Variants in ACBD6 observed in about 807,000 individuals in gnomAD.
The protein encoded by ACBD6 is acyl-CoA-binding domain-containing protein 6.
Under a neutral mutation model 37.2 loss-of-function variants are expected in ACBD6, and 28 were observed. The observed-to-expected ratio is 0.75, with a 90% CI of 0.56 to 1.03. The LOEUF is 1.03. Ranked by LOEUF, ACBD6 falls within the 50% of genes least tolerant of loss-of-function variation. The probability of loss-of-function intolerance (pLI) is 0.00; values close to 1 mark genes in which losing one functional copy is unlikely to be tolerated. For synonymous variants in ACBD6, 113 were observed against 126.8 expected, an observed-to-expected ratio of 0.89 and a Z score of 0.73; for missense variants, 340 against 337.4, an observed-to-expected ratio of 1.01 and a Z score of -0.06.
At chr1:180,404,379 T>C (rs1364384074) in intron 5 of ACBD6, among the ~76,000 whole-genome samples, 1 of 152,186 alleles carries the variant, frequency 6.6e-6, no homozygotes, top group East Asian at 1.9e-4. Flanking sequence ...CAGCCTAGTC[T>C]TAAACTCCTG....
chr1:180,360,816 T>G (rs1437969612), intron 6 of ACBD6, among the ~76,000 whole-genome samples: 1 of 152,188 alleles, frequency 6.6e-6, no homozygotes, highest in South Asian at 2.1e-4. Flanking sequence ...AGGAGAGCAT[T>G]ATAGTCTGGT....
At chr1:180,390,875 C>G (rs1654047782) in intron 6 of ACBD6, among the ~76,000 whole-genome samples, 2 of 151,954 alleles carry the variant, frequency 1.3e-5, no homozygotes, top group African/African-American at 4.8e-5. Context: ...CCCAGAATAG[C>G]CAAAACAACT....
chr1:180,314,688 T>C lies in ACBD6; in HGVS notation c.694+4A>G. On this transcript the variant is annotated splice_donor_region_variant and intron_variant, in intron 7 of 7. Transcript: ENST00000367595. The stretch of plus-strand genomic sequence containing the variant: ...GATTACTTAATAATTTAGAAACTTC[T>C]TACCATAATGTAGAGCTGTTTGGCC... The C allele has an allele frequency of 6.6e-7, 1 of 1,524,970 alleles. No individual in the cohort carries two copies. The highest frequency in any genetic ancestry group is 9.1e-7 in the Non-Finnish European group (1 of 1,101,566). 94.5% of individuals were successfully genotyped at this position (1,524,970 alleles called of 1,614,324 possible). A position where few individuals can be genotyped will look rare whatever the true frequency, so the allele number is the denominator to read the frequency against.
At chr1:180,451,763 T>A (rs1258996278) in intron 3 of ACBD6, among the ~76,000 whole-genome samples, 1 of 152,208 alleles carries the variant, frequency 6.6e-6, no homozygotes, top group Non-Finnish European at 1.5e-5. Flanking sequence ...AGTTTCTTTT[T>A]GAGGGGATGA....
At chr1:180,280,759 G>A (rs1469498122) in intron 9 of ACBD6, among the ~76,000 whole-genome samples, 2 of 152,208 alleles carry the variant, frequency 1.3e-5, no homozygotes, top group Admixed American at 1.3e-4. Context: ...TACAGAAGGT[G>A]CTGTACATAA....
intron 7 of ACBD6, among the ~76,000 whole-genome samples, chr1:180,311,049 C>G (rs1650571912): frequency 6.6e-6 from 1 of 152,160 alleles, no homozygotes; most frequent in Non-Finnish European, 1.5e-5. Context: ...GATTTGACAA[C>G]AGAGATAGTG....
chr1:180,474,743 T>A (rs941960377), intron 3 of ACBD6, among the ~76,000 whole-genome samples: 5 of 152,224 alleles, frequency 3.3e-5, no homozygotes, highest in African/African-American at 1.2e-4. Context: ...TAAGTCTGTG[T>A]TATATAATTT....
chr1:180,385,889 G>A (rs1653828862), intron 6 of ACBD6, among the ~76,000 whole-genome samples: 1 of 152,172 alleles, frequency 6.6e-6, no homozygotes, highest in African/African-American at 2.4e-5. Context: ...GATAGAAAAG[G>A]CTGGGCGCAA....
At chr1:180,411,814 C>A (rs920789081) in intron 5 of ACBD6, among the ~76,000 whole-genome samples, 2 of 152,002 alleles carry the variant, frequency 1.3e-5, no homozygotes, top group African/African-American at 4.8e-5. Context: ...ATTACAGGCA[C>A]CCACCACCAC....
At chr1:180,487,401 A>T (rs1651313975) in intron 3 of ACBD6, among the ~76,000 whole-genome samples, 1 of 152,122 alleles carries the variant, frequency 6.6e-6, no homozygotes, top group Admixed American at 6.6e-5. Flanking sequence ...ATTTCACACC[A>T]TCTCACGCCC....
At chr1:180,332,873 T>C (rs1384171828) in intron 6 of ACBD6, among the ~76,000 whole-genome samples, 1 of 152,192 alleles carries the variant, frequency 6.6e-6, no homozygotes, top group Non-Finnish European at 1.5e-5. Flanking sequence ...CTTTTCTTAG[T>C]TAAGCCAGAT....
intron 3 of ACBD6, among the ~76,000 whole-genome samples, chr1:180,486,445 A>G (rs1651265732): frequency 1.3e-5 from 2 of 152,250 alleles, no homozygotes; most frequent in African/African-American, 4.8e-5. Flanking sequence ...AAACAGTAAC[A>G]GGCTAACTTA....
At chr1:180,331,727 G>A (rs1433557679) in intron 6 of ACBD6, among the ~76,000 whole-genome samples, 1 of 152,164 alleles carries the variant, frequency 6.6e-6, no homozygotes, top group Non-Finnish European at 1.5e-5. Flanking sequence ...TAAGGAAATA[G>A]GGGACTTTGC....
At chr1:180,392,891 C>T (rs1341289932) in intron 6 of ACBD6, among the ~76,000 whole-genome samples, 1 of 108,848 alleles carries the variant, frequency 9.2e-6, no homozygotes, top group Admixed American at 8.9e-5. Context: ...CATTTCTGTA[C>T]CACTTAAAAC....
At chr1:180,345,620 G>A (rs1220681468) in intron 6 of ACBD6, among the ~76,000 whole-genome samples, 2 of 151,932 alleles carry the variant, frequency 1.3e-5, no homozygotes, top group Non-Finnish European at 2.9e-5. Flanking sequence ...AACAACACAG[G>A]GAAAGTTGAG....
At chr1:180,308,951 A>C (rs1484996829) in intron 7 of ACBD6, among the ~76,000 whole-genome samples, 2 of 152,236 alleles carry the variant, frequency 1.3e-5, no homozygotes, top group Non-Finnish European at 2.9e-5. Flanking sequence ...TATCATATTC[A>C]TAGTACTAAT....
At chr1:180,365,714 C>A (rs1211064971) in intron 6 of ACBD6, among the ~76,000 whole-genome samples, 1 of 152,114 alleles carries the variant, frequency 6.6e-6, no homozygotes, top group Non-Finnish European at 1.5e-5. Flanking sequence ...TCCACAATAG[C>A]CGTCAAATTT....
At chr1:180,274,911 G>C (rs1390994723) in exon 10 of ACBD6, 1 of 233,558 alleles carries the variant, frequency 4.3e-6, no homozygotes, top group Non-Finnish European at 8.4e-6. Flanking sequence ...GACTGTGATA[G>C]GCCCCCTTGG....
At chr1:180,490,123 G>A (rs1459375141) in intron 3 of ACBD6, among the ~76,000 whole-genome samples, 4 of 152,160 alleles carry the variant, frequency 2.6e-5, no homozygotes, top group African/African-American at 9.7e-5. Flanking sequence ...AGAACACAGT[G>A]ACTGGACCTG....
Sources: gnomAD v4.1 joint callset for allele counts (sites outside exome capture counted in the v4.1 genomes callset) on GRCh38, gnomAD v4.1.1 for gene constraint, MANE v1.5 for transcripts, NCBI Gene and HGNC (gene_info 2026-07-23, HGNC 2026-07-21) for gene names.